SBNO2: variants seen among roughly 807,000 people sequenced by gnomAD.
SBNO2 encodes the protein protein strawberry notch homolog 2.
A neutral mutation model predicts 146.3 loss-of-function variants in SBNO2; 89 were observed. That is an observed-to-expected ratio of 0.61 (90% CI 0.51 to 0.73). The LOEUF (loss-of-function observed/expected upper bound fraction) is 0.73. Among genes scored for constraint, SBNO2 ranks in the 30% least tolerant of loss-of-function variants. The probability of loss-of-function intolerance (pLI) is 0.00; values close to 1 mark genes in which losing one functional copy is unlikely to be tolerated. For missense variants in SBNO2, 2,092 were observed against 2,003.7 expected (o/e 1.04, Z -0.84); for synonymous variants, 1,147 against 892.6 (o/e 1.29, Z -5.08).
At position 1,127,915 on chromosome 19, in the gene SBNO2, G is replaced by A. The variant is rs1208196469; in HGVS notation, c.280-150C>T. The A allele has an allele frequency of 4.3e-6, 3 of 698,612 alleles. No individual in the cohort carries two copies. In the African/African-American group the frequency reaches 5.4e-5, roughly 12 times the overall value. 43.3% of individuals were successfully genotyped at this position (698,612 alleles called of 1,614,324 possible). ...GACACCACGGCCCTCCCAGGTTCAA[G>A]CAATTCTCCTGCCTCATCCTCCCAA... is the stretch of plus-strand genomic sequence containing the variant. On this transcript the variant is annotated intron_variant, in intron 4 of 31. Transcript: ENST00000361757.
At position 1,147,931 on chromosome 19, in the gene SBNO2, A is replaced by G. The variant is rs1348186246; in HGVS notation, c.168-511T>C. 1.3e-5 allele frequency among the ~76,000 whole-genome samples: 2 copies of G among 152,060 alleles called. 1 individual carries two copies. The highest frequency in any genetic ancestry group is 6.3e-3 in the Middle Eastern group (2 of 316). On this transcript the variant is annotated intron_variant, in intron 3 of 31. Coordinates refer to ENST00000361757, the MANE Select transcript of SBNO2 (RefSeq NM_014963.3). ...GGATGGCAAAGGACACAGCAAGGAG[A>G]AGGTCCTGGGGGCCCCCCGCCCAGG...
chr19:1,157,297 G>C lies in SBNO2; in HGVS notation c.-126-2895C>G, dbSNP rs903999806. On this transcript the variant is annotated intron_variant, in intron 1 of 31. Coordinates refer to ENST00000361757, the MANE Select transcript of SBNO2 (RefSeq NM_014963.3). This position sits in a 1 kb window ranked among gnomAD's most constrained non-coding sequence, Gnocchi z 6.8. ...CTAGTGGGACACTGGGTGGGGTCTTGGGGCCTGAGAACACCCCAACGCAGC... is the reference window on the plus strand; with the variant it reads ...CTAGTGGGACACTGGGTGGGGTCTTCGGGCCTGAGAACACCCCAACGCAGC... 2.0e-5 allele frequency among the ~76,000 whole-genome samples: 3 copies of C among 151,812 alleles called. No individual in the cohort carries two copies. The highest frequency in any genetic ancestry group is 4.4e-5 in the Non-Finnish European group (3 of 67,922).
chr19:1,120,508 A>G (rs2079888722), intron 11 of SBNO2, among the ~76,000 whole-genome samples: 2 of 152,146 alleles, frequency 1.3e-5, no homozygotes, highest in Non-Finnish European at 2.9e-5. Flanking sequence ...CTGGGACTAC[A>G]GGTGTGTGCC....
rs769696386 is a variant in SBNO2, at chr19:1,123,647, C to G, written c.523-8G>C. On this transcript the variant is annotated splice_polypyrimidine_tract_variant and splice_region_variant and intron_variant, in intron 6 of 31. Transcript: ENST00000361757. Reference sequence around the variant, plus strand: ...GCTCTGCACACTCTGCTCCTGCGTGCGTGGCGGGAGCTCAGCGGAGACTGC... The same window carrying G: ...GCTCTGCACACTCTGCTCCTGCGTGGGTGGCGGGAGCTCAGCGGAGACTGC... 1.2e-6 allele frequency: 2 copies of G among 1,607,152 alleles called. No individual in the cohort carries two copies. The highest frequency in any genetic ancestry group is 1.7e-6 in the Non-Finnish European group (2 of 1,177,008).
Position 1,136,554 on chromosome 19 carries a change from C to G in SBNO2, c.280-8789G>C, listed in dbSNP as rs1380136049. Among the ~76,000 whole-genome samples the G allele has an allele frequency of 6.6e-6, 1 of 152,350 alleles. No individual in the cohort carries two copies. Among genetic ancestry groups the G allele is most frequent in the East Asian group, 1.9e-4 (1 of 5,188 alleles). On this transcript the variant is annotated intron_variant, in intron 4 of 31. Coordinates refer to ENST00000361757, the MANE Select transcript of SBNO2 (RefSeq NM_014963.3). This position sits in a 1 kb window ranked among gnomAD's most constrained non-coding sequence, Gnocchi z 4.2. The stretch of plus-strand genomic sequence containing the variant: ...GGGGGGGCTGTGGCCTCAGCACAGA[C>G]CAGGGGACAGAAGGTGGCTCTTCTT...
In SBNO2 at chr19:1,147,440, G is replaced by GGGGGCT; in HGVS notation, c.168-21_168-20insAGCCCC. ...AACGGGCTGGAGGGAGATGGGGGGG[G>GGGGGCT]GGGAGGTGAGATGGGGTGCTCAACC... On this transcript the variant is annotated intron_variant, in intron 3 of 31. Transcript: ENST00000361757. 1 of 1,241,442 alleles carries GGGGGCT rather than the reference G, an allele frequency of 8.1e-7. No individual in the cohort carries two copies. Among genetic ancestry groups the GGGGGCT allele is most frequent in the Non-Finnish European group, 1.1e-6 (1 of 900,924 alleles). The allele number at this position is 1,241,442 out of a possible 1,614,324, so 76.9% of individuals were successfully genotyped here. A position where few individuals can be genotyped will look rare whatever the true frequency, so the allele number is the denominator to read the frequency against.
chr19:1,141,838 G>T (rs1382069258), intron 4 of SBNO2, among the ~76,000 whole-genome samples: 1 of 151,984 alleles, frequency 6.6e-6, no homozygotes, highest in African/African-American at 2.4e-5. Context: ...GCGCAGGCTG[G>T]TCTCAAACCC....
At position 1,122,990 on chromosome 19, in the gene SBNO2, G is replaced by A. The variant is rs746416722; in HGVS notation, c.684C>T (p.Ser228=). The A allele has an allele frequency of 3.8e-5, 60 of 1,580,632 alleles. No homozygotes were observed. Among genetic ancestry groups the A allele is most frequent in the Non-Finnish European group, 4.8e-5 (56 of 1,164,196 alleles). Residue 228 remains serine, a synonymous_variant, in exon 8 of 32, where the codon AGC becomes AGT. Transcript: ENST00000361757. ...TGTAGGTGATGTCTGGGGGTGGGAC[G>A]CTGGACAGTGTGCTGGTCTCCACCA... ...DRVVETSTLS[S]VPPPDITYTL...
chr19:1,163,466 T>G (rs896288382), intron 1 of SBNO2, among the ~76,000 whole-genome samples: 2 of 152,184 alleles, frequency 1.3e-5, no homozygotes, highest in Admixed American at 6.5e-5. Flanking sequence ...GCAGCACTGC[T>G]GCGGCCGCCA....
chr19:1,129,241 T>C, intron 4 of SBNO2, among the ~76,000 whole-genome samples: 1 of 152,044 alleles, frequency 6.6e-6, no homozygotes, highest in African/African-American at 2.4e-5. Context: ...CACTCCAGTC[T>C]GGGTGACACA....
chr19:1,126,206 G>A lies in SBNO2; in HGVS notation c.441+1398C>T, dbSNP rs1018916720. 9.2e-5 allele frequency among the ~76,000 whole-genome samples: 14 copies of A among 152,060 alleles called. No individual in the cohort carries two copies. Among genetic ancestry groups the A allele is most frequent in the African/African-American group, 3.1e-4 (13 of 41,412 alleles). Reference sequence around the variant, plus strand: ...TCTAACACTAGGAACACTCCTGAGGGTTTTTAAAGAAAGTGGAAGCGTGGC... The same window carrying A: ...TCTAACACTAGGAACACTCCTGAGGATTTTTAAAGAAAGTGGAAGCGTGGC... On this transcript the variant is annotated intron_variant, in intron 5 of 31. Coordinates refer to ENST00000361757, the MANE Select transcript of SBNO2 (RefSeq NM_014963.3). The surrounding 1 kb of genome is among the most constrained non-coding windows in gnomAD (Gnocchi z 4.4).
intron 4 of SBNO2, chr19:1,131,945 G>T: frequency 2.0e-6 from 1 of 506,264 alleles, no homozygotes; most frequent in Non-Finnish European, 3.4e-6. Context: ...GGGGCGGGGT[G>T]GGGATTTTTT....
chr19:1,129,791 A>G (rs901307315), intron 4 of SBNO2, among the ~76,000 whole-genome samples: 2 of 152,122 alleles, frequency 1.3e-5, no homozygotes, highest in African/African-American at 2.4e-5. Flanking sequence ...CAGGGAGCGC[A>G]GGCAGAGCGG....
intron 1 of SBNO2, among the ~76,000 whole-genome samples, chr19:1,171,816 G>A (rs768570581): frequency 1.1e-4 from 16 of 152,150 alleles, no homozygotes; most frequent in Non-Finnish European, 1.3e-4. Context: ...CGGTTTCCCC[G>A]CCAGGTGAGA....
chr19:1,109,937 T>C lies in SBNO2; in HGVS notation c.3029-160A>G, dbSNP rs1168392660. 3.3e-5 allele frequency among the ~76,000 whole-genome samples: 5 copies of C among 151,112 alleles called. No homozygotes were observed. On this transcript the variant is annotated intron_variant, in intron 26 of 31. Transcript: ENST00000361757. The surrounding 1 kb of genome is among the most constrained non-coding windows in gnomAD (Gnocchi z 4.2). Reference sequence around the variant, plus strand: ...CTGACCTGGCCCAGCGTGGGGATGGTGCACGTGGGCCCCAACCTGGCAACC... The same window carrying C: ...CTGACCTGGCCCAGCGTGGGGATGGCGCACGTGGGCCCCAACCTGGCAACC...
At chr19:1,153,009 G>C (rs1297318877) in intron 2 of SBNO2, among the ~76,000 whole-genome samples, 1 of 151,730 alleles carries the variant, frequency 6.6e-6, no homozygotes, top group East Asian at 2.0e-4. Context: ...TTAAAAATCT[G>C]CCGGGCATGG....
chr19:1,153,616 C>T (rs1297577509), intron 2 of SBNO2, among the ~76,000 whole-genome samples: 3 of 152,004 alleles, frequency 2.0e-5, no homozygotes, highest in Non-Finnish European at 4.4e-5. Flanking sequence ...CCACTCACTG[C>T]AGCCTCTGCC....
At chr19:1,133,772 G>A (rs1191802714) in intron 4 of SBNO2, among the ~76,000 whole-genome samples, 1 of 152,140 alleles carries the variant, frequency 6.6e-6, no homozygotes, top group African/African-American at 2.4e-5. Context: ...GCCAATCACA[G>A]CCACCGCTCA....
rs113227542 is a variant in SBNO2 at position 1,167,695 on chromosome 19, G to A, written c.-127+6477C>T. 5.8e-3 allele frequency among the ~76,000 whole-genome samples: 889 copies of A among 152,278 alleles called. 5 individuals are homozygous for A. Among genetic ancestry groups the A allele is most frequent in the Non-Finnish European group, 9.0e-3 (612 of 67,998 alleles). The stretch of plus-strand genomic sequence containing the variant: ...CCTCTGCAGAGCCCCTGTGCCCCGG[G>A]AGGCACCACACCCACGGCTCCAGGG... On this transcript the variant is annotated intron_variant, in intron 1 of 31. Coordinates refer to ENST00000361757, the MANE Select transcript of SBNO2 (RefSeq NM_014963.3).
Sources: gnomAD v4.1 joint callset for allele counts (sites outside exome capture counted in the v4.1 genomes callset) on GRCh38, gnomAD v4.1.1 for gene constraint, Gnocchi (gnomAD v3.1) non-coding constraint, MANE v1.5 for transcripts, NCBI Gene and HGNC (gene_info 2026-07-23, HGNC 2026-07-21) for gene names.